Variants in EFNA5 observed in about 807,000 individuals in gnomAD.
EFNA5 encodes ephrin-A5.
A neutral mutation model predicts 22.9 loss-of-function variants in EFNA5; 5 were observed. That is an observed-to-expected ratio of 0.22 (90% confidence interval 0.11 to 0.46). EFNA5 has a LOEUF of 0.46. Ranked by LOEUF, EFNA5 falls within the 20% of genes least tolerant of loss-of-function variation. The probability of loss-of-function intolerance (pLI) is 0.99; values close to 1 mark genes in which losing one functional copy is unlikely to be tolerated. For missense variants in EFNA5, 237 were observed against 293.3 expected (o/e 0.81, Z 1.40); for synonymous variants, 113 against 112.2 (o/e 1.01, Z -0.04).
chr5:107,655,432 C>A (rs1394094426), intron 1 of EFNA5, among the ~76,000 whole-genome samples: 1 of 152,096 alleles, frequency 6.6e-6, no homozygotes, highest in African/African-American at 2.4e-5. Context: ...TAAGAGAAAT[C>A]TGTTATGCAG....
chr5:107,460,191 T>C (rs769429036), intron 1 of EFNA5, among the ~76,000 whole-genome samples: 1 of 152,142 alleles, frequency 6.6e-6, no homozygotes, highest in African/African-American at 2.4e-5. Context: ...GCAGAACATA[T>C]GTAAAGGCTT....
chr5:107,660,993 C>A (rs1322805095), intron 1 of EFNA5, among the ~76,000 whole-genome samples: 1 of 151,968 alleles, frequency 6.6e-6, no homozygotes, highest in Non-Finnish European at 1.5e-5. Context: ...GAAGAAAGCA[C>A]TGAATGCCAC....
intron 1 of EFNA5, among the ~76,000 whole-genome samples, chr5:107,559,076 AGGGAACTGACACAGTTTC>A (rs1748479502): frequency 6.6e-6 from 1 of 152,200 alleles, no homozygotes; most frequent in Admixed American, 6.5e-5. Context: ...CTTATGTTTC[AGGGAACTGACACAGTTTC>A]GTAAATCACT....
At chr5:107,592,521 T>G (rs1301163238) in intron 1 of EFNA5, among the ~76,000 whole-genome samples, 7 of 152,246 alleles carry the variant, frequency 4.6e-5, no homozygotes, top group African/African-American at 1.4e-4. Context: ...CAAACTAGGC[T>G]TCTAAAATTA....
intron 1 of EFNA5, among the ~76,000 whole-genome samples, chr5:107,439,549 G>A (rs954144739): frequency 6.6e-6 from 1 of 152,154 alleles, no homozygotes; most frequent in Non-Finnish European, 1.5e-5. Flanking sequence ...GGAGCAAGGG[G>A]GAAGGAAGAT....
At chr5:107,626,908 C>T (rs887334726) in intron 1 of EFNA5, among the ~76,000 whole-genome samples, 2 of 152,130 alleles carry the variant, frequency 1.3e-5, no homozygotes, top group Non-Finnish European at 2.9e-5. Context: ...GACCATTCCT[C>T]CTTCCTCCCC....
intron 1 of EFNA5, among the ~76,000 whole-genome samples, chr5:107,432,861 C>G (rs1040001742): frequency 6.6e-6 from 1 of 152,292 alleles, no homozygotes; most frequent in Middle Eastern, 3.4e-3. Context: ...ACCCCTGAGA[C>G]AGCAAGACCA....
chr5:107,381,788 G>A (rs1747469954), intron 4 of EFNA5, among the ~76,000 whole-genome samples: 1 of 152,130 alleles, frequency 6.6e-6, no homozygotes, highest in South Asian at 2.1e-4. Context: ...GCACAGTAGT[G>A]GTTAACCAGA....
rs577955520 is a variant in EFNA5 at position 107,631,600 on chromosome 5, T to C, written c.125+38889A>G. 8.5e-5 allele frequency among the ~76,000 whole-genome samples: 13 copies of C among 152,264 alleles called. No homozygotes were observed. In the South Asian group the frequency reaches 1.7e-3, roughly 19 times the overall value. The stretch of plus-strand genomic sequence containing the variant: ...TGAAATAAGTAATTTCTTTATATAA[T>C]TGTATAATTTTTGAGATGTAGACAT... On this transcript the variant is annotated intron_variant, in intron 1 of 4. Transcript: ENST00000333274.
chr5:107,496,388 C>T (rs1325187202), intron 1 of EFNA5, among the ~76,000 whole-genome samples: 1 of 150,368 alleles, frequency 6.7e-6, no homozygotes, highest in East Asian at 2.0e-4. Context: ...CCCAGCATCT[C>T]TTTGCTACAG....
intron 1 of EFNA5, among the ~76,000 whole-genome samples, chr5:107,570,432 T>C (rs899617489): frequency 1.3e-5 from 2 of 152,240 alleles, no homozygotes; most frequent in African/African-American, 4.8e-5. Context: ...CCCACCTTGG[T>C]CTAACTATTC....
chr5:107,667,939 AT>A lies in EFNA5; in HGVS notation c.125+2549del, dbSNP rs1580592217. 2.0e-5 allele frequency among the ~76,000 whole-genome samples: 3 copies of A among 152,344 alleles called. No homozygotes were observed. The East Asian group carries it at 5.8e-4, about 29-fold the overall frequency. ...AAAACTGTTAGTTTTTATTTTTAAA[AT>A]ACTTATTTGGCATGTGGCCTCTTAT... is the stretch of plus-strand genomic sequence containing the variant. On this transcript the variant is annotated intron_variant, in intron 1 of 4. Coordinates refer to ENST00000333274, the MANE Select transcript of EFNA5 (RefSeq NM_001962.3).
chr5:107,461,382 G>A (rs990112895), intron 1 of EFNA5, among the ~76,000 whole-genome samples: 1 of 152,018 alleles, frequency 6.6e-6, no homozygotes, highest in East Asian at 1.9e-4. Flanking sequence ...GGGCAGCAAG[G>A]TACCACTTAG....
intron 1 of EFNA5, among the ~76,000 whole-genome samples, chr5:107,598,088 A>C (rs1177567171): frequency 6.6e-6 from 1 of 152,180 alleles, no homozygotes; most frequent in Non-Finnish European, 1.5e-5. Flanking sequence ...GAAAATCATA[A>C]AGTAATATAT....
At chr5:107,499,051 C>T (rs1338798087) in intron 1 of EFNA5, among the ~76,000 whole-genome samples, 1 of 152,066 alleles carries the variant, frequency 6.6e-6, no homozygotes, top group Non-Finnish European at 1.5e-5. Flanking sequence ...TGGAAACAGA[C>T]ACCTGCTTTG....
In EFNA5 at chr5:107,380,588, A is replaced by C. The variant is rs1253912363; in HGVS notation, c.*667T>G. ...ACCCAACCTGCCTCCTAGAAAAAAAAAAAAGGCTTCTTTTAGAGAGCACAA... is the reference window on the plus strand; with the variant it reads ...ACCCAACCTGCCTCCTAGAAAAAAACAAAAGGCTTCTTTTAGAGAGCACAA... On this transcript the variant is annotated 3_prime_UTR_variant, in exon 5 of 5. Coordinates refer to ENST00000333274, the MANE Select transcript of EFNA5 (RefSeq NM_001962.3). 5.6e-6 allele frequency: 2 copies of C among 359,102 alleles called. No individual in the cohort carries two copies. The highest frequency in any genetic ancestry group is 9.9e-6 in the Non-Finnish European group (2 of 202,320). The allele number at this position is 359,102 out of a possible 1,614,324, so 22.2% of individuals were successfully genotyped here. A position where few individuals can be genotyped will look rare whatever the true frequency, so the allele number is the denominator to read the frequency against.
chr5:107,546,802 C>T (rs7443170), intron 1 of EFNA5, among the ~76,000 whole-genome samples: 24,095 of 151,960 alleles, frequency 0.16, 1,986 homozygotes, highest in African/African-American at 0.22. Context: ...TTAATAACTC[C>T]AAGAACATAT....
Position 107,427,425 on chromosome 5 carries a change from T to C in EFNA5, c.210A>G (p.Pro70=). ...GGACATAGCGCTCAGTCTTATCTTC[T>C]GGGACGGAGTCCTCATAGTGAGGGC... The part of the protein sequence containing the change: ...VFCPHYEDSV[P]EDKTERYVLY... The change falls in exon 2 of 5, where the codon CCA becomes CCG. Residue 70 remains proline, a synonymous_variant. Transcript: ENST00000333274. The C allele has an allele frequency of 6.2e-7, 1 of 1,614,044 alleles. No homozygotes were observed. The highest frequency in any genetic ancestry group is 8.5e-7 in the Non-Finnish European group (1 of 1,179,994).
chr5:107,596,307 C>T (rs1239172721), intron 1 of EFNA5, among the ~76,000 whole-genome samples: 1 of 152,158 alleles, frequency 6.6e-6, no homozygotes, highest in Non-Finnish European at 1.5e-5. Context: ...TCACCTAATC[C>T]CTGGCAACCA....
Sources: allele counts gnomAD v4.1 joint callset (sites outside exome capture counted in the v4.1 genomes callset), GRCh38; gene constraint gnomAD v4.1.1; transcripts MANE v1.5; gene names NCBI Gene and HGNC (gene_info 2026-07-23, HGNC 2026-07-21).